The following KCNMA1 variants were observed in gnomAD, a reference collection of about 807,000 sequenced individuals.
The protein encoded by KCNMA1 is Calcium-activated potassium channel subunit alpha-1.
A neutral mutation model predicts 140.0 loss-of-function variants in KCNMA1; 29 were observed. That is an observed-to-expected ratio of 0.21 (90% CI 0.15 to 0.28). KCNMA1 has a LOEUF of 0.28. Ranked by LOEUF, KCNMA1 falls within the 10% of genes least tolerant of loss-of-function variation. The probability of loss-of-function intolerance (pLI) is 1.00; values close to 1 mark genes in which losing one functional copy is unlikely to be tolerated. For missense variants in KCNMA1, 880 were observed against 1,602.2 expected (o/e 0.55, Z 7.70); for synonymous variants, 612 against 611.9 (o/e 1.00, Z 0.00).
intron 24 of KCNMA1, 62 bp from the exon 25 acceptor site, chr10:76,910,158 G>C: frequency 6.3e-7 from 1 of 1,582,128 alleles, no homozygotes. Context: ...GAAGCCAGAG[G>C]GAGACCAGGC....
chr10:77,063,441 G>A (rs766340192), intron 14 of KCNMA1, among the ~76,000 whole-genome samples: 29 of 151,360 alleles, frequency 1.9e-4, no homozygotes, highest in Non-Finnish European at 2.5e-4. Flanking sequence ...CGAAATCTCC[G>A]TCTCAAAAAA....
chr10:77,350,182 A>T (rs943310035), intron 2 of KCNMA1: 4 of 152,240 alleles, frequency 2.6e-5, no homozygotes, highest in Non-Finnish European at 5.9e-5. Context: ...TATAAGCATG[A>T]TCCACTGTGC....
intron 21 of KCNMA1, among the ~76,000 whole-genome samples, chr10:76,951,398 C>T (rs944565263): frequency 6.6e-6 from 1 of 152,160 alleles, no homozygotes; most frequent in African/African-American, 2.4e-5. Flanking sequence ...CAAGCACAAC[C>T]TATGTGTGTA....
chr10:77,410,172 G>C (rs1486961718), intron 1 of KCNMA1, among the ~76,000 whole-genome samples: 3 of 152,172 alleles, frequency 2.0e-5, no homozygotes, highest in African/African-American at 7.2e-5. Context: ...TTGTCACCCT[G>C]CACCCTAACA....
intron 1 of KCNMA1, among the ~76,000 whole-genome samples, chr10:77,529,455 G>A (rs984650910): frequency 6.6e-6 from 1 of 151,840 alleles, no homozygotes; most frequent in Non-Finnish European, 1.5e-5. Context: ...CTCACTCCCC[G>A]GCACCTACCC....
intron 1 of KCNMA1, among the ~76,000 whole-genome samples, chr10:77,410,169 C>T (rs982137986): frequency 6.6e-6 from 1 of 152,166 alleles, no homozygotes; most frequent in African/African-American, 2.4e-5. Flanking sequence ...CCGTTGTCAC[C>T]CTGCACCCTA....
chr10:76,930,256 T>A (rs1227224952), intron 23 of KCNMA1: 1 of 152,190 alleles, frequency 6.6e-6, no homozygotes, highest in Non-Finnish European at 1.5e-5. Flanking sequence ...CCCATCTATA[T>A]AAAGAACTCA....
At chr10:77,050,732 G>A (rs917488159) in intron 14 of KCNMA1, among the ~76,000 whole-genome samples, 1 of 152,140 alleles carries the variant, frequency 6.6e-6, no homozygotes, top group African/African-American at 2.4e-5. Flanking sequence ...TCCCAAAGAC[G>A]GTGAAGAATA....
chr10:77,540,446 A>G (rs2154554842), intron 1 of KCNMA1, among the ~76,000 whole-genome samples: 1 of 152,376 alleles, frequency 6.6e-6, no homozygotes, highest in African/African-American at 2.4e-5. Context: ...ATTTGTTCAT[A>G]TAACTTTCAC....
At chr10:77,491,740 CACACA>C (rs1405709376) in intron 1 of KCNMA1, among the ~76,000 whole-genome samples, 1 of 152,058 alleles carries the variant, frequency 6.6e-6, no homozygotes, top group Admixed American at 6.5e-5. Flanking sequence ...CACACACACA[CACACA>C]CACACACACC....
chr10:77,511,574 C>T (rs1160490475), intron 1 of KCNMA1, among the ~76,000 whole-genome samples: 6 of 152,102 alleles, frequency 3.9e-5, no homozygotes, highest in South Asian at 2.1e-4. Flanking sequence ...CATGGCAATG[C>T]CTAGTTCATA....
intron 1 of KCNMA1, among the ~76,000 whole-genome samples, chr10:77,480,194 G>A (rs1464334401): frequency 6.6e-6 from 1 of 152,212 alleles, no homozygotes; most frequent in Admixed American, 6.5e-5. Flanking sequence ...TAAATTGCAG[G>A]GCACTCAGAC....
Position 77,176,069 on chromosome 10 carries a change from G to A in KCNMA1, c.808+7352C>T, listed in dbSNP as rs138976560. Reference sequence around the variant, plus strand: ...TCCTGACCCTGCCTGAAGGTGGGGCGGGGCTCTTCAGCCAAGCAGGTGGCC... The same window carrying A: ...TCCTGACCCTGCCTGAAGGTGGGGCAGGGCTCTTCAGCCAAGCAGGTGGCC... On this transcript the variant is annotated intron_variant, in intron 5 of 27. Coordinates refer to ENST00000286628, the MANE Select transcript of KCNMA1 (RefSeq NM_001161352.2). 1.9e-3 allele frequency among the ~76,000 whole-genome samples: 297 copies of A among 152,314 alleles called. 3 individuals are homozygous for A. The highest frequency in any genetic ancestry group is 6.8e-3 in the African/African-American group (281 of 41,578).
intron 2 of KCNMA1, among the ~76,000 whole-genome samples, chr10:77,345,767 A>T (rs1215207908): frequency 2.0e-5 from 3 of 152,218 alleles, no homozygotes; most frequent in Admixed American, 6.5e-5. Context: ...GTAACTGTGC[A>T]TGTTTCTACC....
At chr10:76,915,976 C>T (rs1472732320) in intron 23 of KCNMA1, among the ~76,000 whole-genome samples, 1 of 151,742 alleles carries the variant, frequency 6.6e-6, no homozygotes, top group Admixed American at 6.6e-5. Context: ...TGGAGCCATC[C>T]CACCTCAGGA....
chr10:77,447,564 A>G (rs1394284451), intron 1 of KCNMA1, among the ~76,000 whole-genome samples: 2 of 152,224 alleles, frequency 1.3e-5, no homozygotes, highest in South Asian at 2.1e-4. Context: ...GATCAGGTAG[A>G]CCAAATGACA....
intron 5 of KCNMA1, among the ~76,000 whole-genome samples, chr10:77,142,650 G>T (rs941377457): frequency 6.6e-6 from 1 of 152,042 alleles, no homozygotes; most frequent in Non-Finnish European, 1.5e-5. Context: ...TAGATGGCCT[G>T]GTCCTGACTT....
chr10:77,053,195 G>A (rs1324475042), intron 14 of KCNMA1, among the ~76,000 whole-genome samples: 1 of 152,180 alleles, frequency 6.6e-6, no homozygotes, highest in Admixed American at 6.5e-5. Flanking sequence ...CCATGAGCAA[G>A]TTCAAGTCAA....
chr10:76,938,596 C>T (rs1022088351), intron 23 of KCNMA1, among the ~76,000 whole-genome samples: 1 of 152,204 alleles, frequency 6.6e-6, no homozygotes, highest in African/African-American at 2.4e-5. Context: ...TTGAAACCTT[C>T]TGTAGCTCCC....
Sources: gnomAD v4.1 joint callset for allele counts (sites outside exome capture counted in the v4.1 genomes callset) on GRCh38, gnomAD v4.1.1 for gene constraint, MANE v1.5 for transcripts, NCBI Gene and HGNC (gene_info 2026-07-23, HGNC 2026-07-21) for gene names.